SORBS2: variants seen among roughly 807,000 people sequenced by gnomAD.
SORBS2 encodes sorbin and SH3 domain containing 2.
Under a neutral mutation model 97.7 loss-of-function variants are expected in SORBS2, and 46 were observed. That is an observed-to-expected ratio of 0.47 (90% CI 0.37 to 0.60). SORBS2 has a LOEUF of 0.60. Among genes scored for constraint, SORBS2 ranks in the 20% least tolerant of loss-of-function variants. The probability of loss-of-function intolerance (pLI) is 0.00; values close to 1 mark genes in which losing one functional copy is unlikely to be tolerated. For missense variants in SORBS2, 1,316 were observed against 1,282.3 expected (o/e 1.03, Z -0.40); for synonymous variants, 476 against 473.4 (o/e 1.01, Z -0.07).
intron 1 of SORBS2, among the ~76,000 whole-genome samples, chr4:185,906,441 C>G (rs935917823): frequency 6.6e-6 from 1 of 152,100 alleles, no homozygotes; most frequent in Non-Finnish European, 1.5e-5. Flanking sequence ...TTTAAATAAA[C>G]CCTCTCTACA....
chr4:185,718,100 G>A (rs1345751987), intron 2 of SORBS2, among the ~76,000 whole-genome samples: 1 of 152,014 alleles, frequency 6.6e-6, no homozygotes, highest in Non-Finnish European at 1.5e-5. Flanking sequence ...GTGTGGTGGC[G>A]GGCGCCTATA....
intron 2 of SORBS2, among the ~76,000 whole-genome samples, chr4:185,740,604 T>TTAACTCAGCCCAACAC (rs2098716632): frequency 6.6e-6 from 1 of 151,424 alleles, no homozygotes; most frequent in Non-Finnish European, 1.5e-5. Context: ...CAGCCCAACA[T>TTAACTCAGCCCAACAC]TAACTCAGCC....
Position 185,945,932 on chromosome 4 carries a change from G to A in SORBS2, c.-338+10264C>T, listed in dbSNP as rs76424085. Among the ~76,000 whole-genome samples the A allele has an allele frequency of 6.6e-3, 1,000 of 152,338 alleles. 5 individuals carry two copies. The highest frequency in any genetic ancestry group is 0.024 in the Middle Eastern group (7 of 294). ...GTGGTGGAAAAGAACCATGTGTTTG[G>A]CAGCTTCATGGCAATGGGGCAGAGG... On this transcript the variant is annotated intron_variant, in intron 1 of 20. Transcript: ENST00000284776.
intron 2 of SORBS2, among the ~76,000 whole-genome samples, chr4:185,760,713 AT>A (rs2098878544): frequency 6.6e-6 from 1 of 152,262 alleles, no homozygotes; most frequent in Admixed American, 6.5e-5. Context: ...CCTTTCACAA[AT>A]ACGAGTTCAT....
chr4:185,748,568 C>A (rs1047987143), intron 2 of SORBS2, among the ~76,000 whole-genome samples: 4 of 152,124 alleles, frequency 2.6e-5, no homozygotes, highest in Admixed American at 6.6e-5. Context: ...GCCTCACGAG[C>A]AATTTTAAGG....
rs545761861 is a variant in SORBS2, at chr4:185,910,907, C to T, written c.-338+45289G>A. 1.4e-4 allele frequency among the ~76,000 whole-genome samples: 21 copies of T among 151,664 alleles called. No individual in the cohort carries two copies. In the South Asian group the frequency reaches 2.7e-3, roughly 20 times the overall value. On this transcript the variant is annotated intron_variant, in intron 1 of 20. Transcript: ENST00000284776. ...TTCCCTTCCAGACTTTTCTCAGGTG[C>T]GTGGTTTCAGAGTAGGACTCGTTTC... is the stretch of plus-strand genomic sequence containing the variant.
intron 1 of SORBS2, among the ~76,000 whole-genome samples, chr4:185,938,343 A>C (rs966662407): frequency 8.0e-5 from 12 of 150,870 alleles, no homozygotes; most frequent in Admixed American, 6.0e-4. Flanking sequence ...TCTTTTGATA[A>C]TCTAGGGGAA....
intron 2 of SORBS2, among the ~76,000 whole-genome samples, chr4:185,686,740 G>A (rs1157655039): frequency 2.0e-5 from 3 of 152,198 alleles, no homozygotes; most frequent in Non-Finnish European, 4.4e-5. Flanking sequence ...CAAGCACATA[G>A]GTGAAAAGAG....
At chr4:185,887,571 AT>A (rs777018224) in intron 1 of SORBS2, among the ~76,000 whole-genome samples, 6 of 152,116 alleles carry the variant, frequency 3.9e-5, no homozygotes, top group South Asian at 2.1e-4. Context: ...TGTTAAAAAT[AT>A]TTTTTTGCAA....
intron 1 of SORBS2, among the ~76,000 whole-genome samples, chr4:185,917,684 CA>C (rs2149906976): frequency 6.6e-6 from 1 of 152,252 alleles, no homozygotes; most frequent in African/African-American, 2.4e-5. Context: ...CGACTGGTAT[CA>C]AAAATTGGGG....
rs2098605262 is a variant in SORBS2, at chr4:185,730,243, G to A, written c.-198+44984C>T. 2.6e-5 allele frequency among the ~76,000 whole-genome samples: 4 copies of A among 151,026 alleles called. No individual in the cohort carries two copies. In the South Asian group the frequency reaches 6.2e-4, roughly 24 times the overall value. On this transcript the variant is annotated intron_variant, in intron 2 of 20. Transcript: ENST00000284776. ...AAAAATATTCTCCAAACAATGATGTGCAAGTACAAGGTACAAACCAGGAAA... is the reference window on the plus strand; with the variant it reads ...AAAAATATTCTCCAAACAATGATGTACAAGTACAAGGTACAAACCAGGAAA...
intron 1 of SORBS2, among the ~76,000 whole-genome samples, chr4:185,897,652 A>G (rs533482761): frequency 6.6e-6 from 1 of 152,304 alleles, no homozygotes; most frequent in Admixed American, 6.5e-5. Context: ...TGCAGTCTGA[A>G]ACAGGTATGC....
chr4:185,645,023 G>A (rs114288275), intron 4 of SORBS2, among the ~76,000 whole-genome samples: 2,051 of 152,156 alleles, frequency 0.013, 56 homozygotes, highest in African/African-American at 0.047. Flanking sequence ...CCTGTTCCCC[G>A]CTGTGCACCT....
intron 1 of SORBS2, among the ~76,000 whole-genome samples, chr4:185,807,756 T>C (rs2099163069): frequency 6.6e-6 from 1 of 152,248 alleles, no homozygotes; most frequent in Non-Finnish European, 1.5e-5. Flanking sequence ...CATATTTATC[T>C]GTATTTTTCC....
intron 1 of SORBS2, among the ~76,000 whole-genome samples, chr4:185,876,118 GT>G (rs56407598): frequency 0.16 from 20,973 of 130,518 alleles, 1,736 homozygotes; most frequent in Non-Finnish European, 0.22. Flanking sequence ...AAATTTTTTT[GT>G]TTTTTTTTGA....
At position 185,715,426 on chromosome 4, in the gene SORBS2, G is replaced by A. The variant is rs867759856; in HGVS notation, c.-197-36604C>T. 2.4e-4 allele frequency among the ~76,000 whole-genome samples: 37 copies of A among 151,166 alleles called. No individual in the cohort carries two copies. The Middle Eastern group carries it at 0.01, about 42-fold the overall frequency. ...ATGAAAAGGCCAAAGGAACAGACAC[G>A]AAATAAAAAATAAAATAAATATTTA... On this transcript the variant is annotated intron_variant, in intron 2 of 20. Coordinates refer to the SORBS2 transcript ENST00000284776.
intron 1 of SORBS2, among the ~76,000 whole-genome samples, chr4:185,924,095 A>T (rs1271407127): frequency 6.6e-6 from 1 of 152,212 alleles, no homozygotes. Flanking sequence ...TGTGACATGA[A>T]TGAATGAGTG....
chr4:185,916,647 T>C (rs1486642018), intron 1 of SORBS2, among the ~76,000 whole-genome samples: 1 of 152,234 alleles, frequency 6.6e-6, no homozygotes, highest in East Asian at 1.9e-4. Context: ...GTGGCAATTT[T>C]ACTTCCCAGG....
chr4:185,857,768 G>T (rs139855179), intron 1 of SORBS2, among the ~76,000 whole-genome samples: 5 of 152,118 alleles, frequency 3.3e-5, no homozygotes, highest in African/African-American at 4.8e-5. Flanking sequence ...GATGAAATAC[G>T]CCCTGGTCTC....
Sources: gnomAD v4.1 joint callset for allele counts (sites outside exome capture counted in the v4.1 genomes callset) on GRCh38, gnomAD v4.1.1 for gene constraint, MANE v1.5 for transcripts, NCBI Gene and HGNC (gene_info 2026-07-23, HGNC 2026-07-21) for gene names.